The following RASSF5 variants were observed in gnomAD, a reference collection of about 807,000 sequenced individuals.
The protein encoded by RASSF5 is Ras association domain family member 5.
RASSF5 carries 25 observed loss-of-function variants against 40.5 expected under a neutral mutation model. The observed-to-expected ratio is 0.62, with a 90% CI of 0.45 to 0.86. RASSF5 has a LOEUF of 0.86. Ranked by LOEUF, RASSF5 falls within the 40% of genes least tolerant of loss-of-function variation. The pLI is 0.00. For missense variants in RASSF5, 521 were observed against 572.8 expected (o/e 0.91, Z 0.92); for synonymous variants, 246 against 252.4 (o/e 0.97, Z 0.24).
intron 1 of RASSF5, among the ~76,000 whole-genome samples, chr1:206,521,009 G>A (rs1666891617): frequency 6.6e-6 from 1 of 152,158 alleles, no homozygotes; most frequent in Non-Finnish European, 1.5e-5. Flanking sequence ...TAAAAGTAGA[G>A]GAGAGACATA....
intron 1 of RASSF5, among the ~76,000 whole-genome samples, chr1:206,537,704 T>G (rs1473008004): frequency 1.3e-5 from 2 of 152,216 alleles, no homozygotes; most frequent in Admixed American, 6.5e-5. Flanking sequence ...TTGGAGCATC[T>G]TGGAGATCTG....
chr1:206,519,905 A>G (rs1297378800), intron 1 of RASSF5, among the ~76,000 whole-genome samples: 1 of 152,220 alleles, frequency 6.6e-6, no homozygotes, highest in South Asian at 2.1e-4. Context: ...ATCCTAATAC[A>G]TACTGTGACC....
chr1:206,548,176 T>C (rs576338283), intron 2 of RASSF5, among the ~76,000 whole-genome samples: 2 of 152,344 alleles, frequency 1.3e-5, no homozygotes, highest in African/African-American at 2.4e-5. Flanking sequence ...CTTTTTTCTT[T>C]TTATCGCTAT....
At chr1:206,523,510 AT>A (rs1666973204) in intron 1 of RASSF5, among the ~76,000 whole-genome samples, 1 of 94,688 alleles carries the variant, frequency 1.1e-5, no homozygotes, top group South Asian at 2.5e-4. Context: ...TATTTTATAT[AT>A]TATATATTAT....
chr1:206,586,974 G>A lies in RASSF5; in HGVS notation c.1253G>A (p.Gly418Glu). ...TTAAGAGAATCCCAGGGCAAACCTGGGTAACCGGTCCTGCTTCCTCTCCTC... is the reference window on the plus strand; with the variant it reads ...TTAAGAGAATCCCAGGGCAAACCTGAGTAACCGGTCCTGCTTCCTCTCCTC... Reference protein sequence around the residue: ...EALRESQGKPG With the variant: ...EALRESQGKPE The change falls in exon 6 of 6, where the codon GGG (glycine) becomes GAG (glutamate). Residue 418 changes from glycine (G) to glutamate (E), a missense_variant. Physicochemically the swap from Gly to Glu is moderately conservative, Grantham distance 98. Transcript: ENST00000579436. 1 of 1,614,084 alleles carries A rather than the reference G, an allele frequency of 6.2e-7. No homozygotes were observed. Among genetic ancestry groups the A allele is most frequent in the Non-Finnish European group, 8.5e-7 (1 of 1,179,976 alleles).
chr1:206,579,096 A>G lies in RASSF5; in HGVS notation c.580-4173A>G, dbSNP rs1330454647. ...ACATGGCTGTTCCCCAATCACCTCC[A>G]GAGCTAAAAGAAGACATTGCCCTTT... is the stretch of plus-strand genomic sequence containing the variant. On this transcript the variant is annotated intron_variant, in intron 2 of 5. Coordinates refer to ENST00000579436, the MANE Select transcript of RASSF5 (RefSeq NM_182663.4). The surrounding 1 kb of genome is among the most constrained non-coding windows in gnomAD (Gnocchi z 4.2). Among the ~76,000 whole-genome samples the G allele has an allele frequency of 6.6e-6, 1 of 152,166 alleles. No individual in the cohort carries two copies. The highest frequency in any genetic ancestry group is 6.5e-5 in the Admixed American group (1 of 15,282).
At chr1:206,512,784 G>T (rs1666650895) in intron 1 of RASSF5, among the ~76,000 whole-genome samples, 7 of 152,246 alleles carry the variant, frequency 4.6e-5, no homozygotes. Flanking sequence ...CTCAGGGGAA[G>T]CTGCCGCAAG....
At chr1:206,540,924 C>A (rs1667530413) in intron 2 of RASSF5, among the ~76,000 whole-genome samples, 1 of 152,060 alleles carries the variant, frequency 6.6e-6, no homozygotes, top group Non-Finnish European at 1.5e-5. Flanking sequence ...GACAGAGTCT[C>A]ACTCTGTTGC....
chr1:206,517,333 G>A (rs1666776016), intron 1 of RASSF5, among the ~76,000 whole-genome samples: 4 of 152,006 alleles, frequency 2.6e-5, no homozygotes, highest in Non-Finnish European at 5.9e-5. Context: ...AAATTAGCTG[G>A]GTGTGGTGGT....
At chr1:206,522,005 C>T (rs188345422) in intron 1 of RASSF5, among the ~76,000 whole-genome samples, 2 of 152,234 alleles carry the variant, frequency 1.3e-5, no homozygotes, top group Admixed American at 6.5e-5. Flanking sequence ...TTCCCTTAAA[C>T]CCAACTGCCT....
intron 2 of RASSF5, among the ~76,000 whole-genome samples, chr1:206,548,509 C>T (rs1438920344): frequency 6.6e-6 from 1 of 152,178 alleles, no homozygotes; most frequent in Admixed American, 6.5e-5. Context: ...GCCGCCTCAA[C>T]CTAGACACCT....
intron 1 of RASSF5, among the ~76,000 whole-genome samples, chr1:206,537,839 C>CAGTCTGGG (rs1463163207): frequency 1.3e-5 from 2 of 152,152 alleles, no homozygotes; most frequent in Non-Finnish European, 1.5e-5. Context: ...GAAAGAGCAC[C>CAGTCTGGG]AGTCTGGGAG....
chr1:206,579,502 A>G lies in RASSF5; in HGVS notation c.580-3767A>G, dbSNP rs1363787921. On this transcript the variant is annotated intron_variant, in intron 2 of 5. Coordinates refer to ENST00000579436, the MANE Select transcript of RASSF5 (RefSeq NM_182663.4). This position sits in a 1 kb window ranked among gnomAD's most constrained non-coding sequence, Gnocchi z 4.2. Reference sequence around the variant, plus strand: ...TATCGATCTCGCTCTCATGGCAGATAGTGCCTGTTAGGTAAACCTTTGGGG... The same window carrying G: ...TATCGATCTCGCTCTCATGGCAGATGGTGCCTGTTAGGTAAACCTTTGGGG... Among the ~76,000 whole-genome samples, 2 of 152,200 alleles carry G rather than the reference A, an allele frequency of 1.3e-5. No homozygotes were observed. Among genetic ancestry groups the G allele is most frequent in the Non-Finnish European group, 1.5e-5 (1 of 68,038 alleles).
At chr1:206,523,676 T>C in intron 1 of RASSF5, among the ~76,000 whole-genome samples, 1 of 97,140 alleles carries the variant, frequency 1.0e-5, no homozygotes, top group South Asian at 2.5e-4. Context: ...AAATATATTA[T>C]ATATAAATAT....
chr1:206,537,577 G>T (rs1170984533), intron 1 of RASSF5, among the ~76,000 whole-genome samples: 2 of 152,108 alleles, frequency 1.3e-5, no homozygotes, highest in East Asian at 1.9e-4. Flanking sequence ...ACTTTTTTCA[G>T]ATTTGGGAAT....
At chr1:206,575,362 G>A (rs1306643109) in intron 2 of RASSF5, among the ~76,000 whole-genome samples, 2 of 152,202 alleles carry the variant, frequency 1.3e-5, no homozygotes, top group Middle Eastern at 3.2e-3. Context: ...AGCTGAGAAA[G>A]AGGAAATGTG....
chr1:206,523,996 A>T (rs1482685118), intron 1 of RASSF5, among the ~76,000 whole-genome samples: 1 of 121,020 alleles, frequency 8.3e-6, no homozygotes, highest in Non-Finnish European at 1.6e-5. Context: ...TATGTATATC[A>T]TATATAGTAT....
intron 2 of RASSF5, among the ~76,000 whole-genome samples, chr1:206,550,960 T>A (rs934912052): frequency 7.2e-5 from 11 of 152,190 alleles, no homozygotes; most frequent in Non-Finnish European, 1.3e-4. Flanking sequence ...TTGGAGCAAG[T>A]TTAGCGCTCC....
intron 2 of RASSF5, among the ~76,000 whole-genome samples, chr1:206,568,806 C>G (rs1417616415): frequency 2.6e-5 from 4 of 152,222 alleles, no homozygotes; most frequent in African/African-American, 9.6e-5. Flanking sequence ...CTGAGGAACC[C>G]TTTGTTTAAA....
Sources: gnomAD v4.1 joint callset for allele counts (sites outside exome capture counted in the v4.1 genomes callset) on GRCh38, gnomAD v4.1.1 for gene constraint, Gnocchi (gnomAD v3.1) non-coding constraint, MANE v1.5 for transcripts, NCBI Gene and HGNC (gene_info 2026-07-23, HGNC 2026-07-21) for gene names.